PLD5: variants seen among roughly 807,000 people sequenced by gnomAD.
PLD5 encodes the protein phospholipase D family member 5, also known as inactive phospholipase D5.
A neutral mutation model predicts 61.1 loss-of-function variants in PLD5; 36 were observed. The ratio of observed to expected loss-of-function variants is 0.59; its 90% CI spans 0.45 to 0.78. The LOEUF (loss-of-function observed/expected upper bound fraction) is 0.78, where lower values mean the gene tolerates loss of function less well. Ranked by LOEUF, PLD5 falls within the 30% of genes least tolerant of loss-of-function variation. The probability of loss-of-function intolerance (pLI) is 0.00; values close to 1 mark genes in which losing one functional copy is unlikely to be tolerated. For missense variants in PLD5, 515 were observed against 644.4 expected (o/e 0.80, Z 2.17); for synonymous variants, 243 against 242.8 (o/e 1.00, Z -0.01).
chr1:242,445,177 C>T (rs1275010434), intron 1 of PLD5, among the ~76,000 whole-genome samples: 2 of 152,070 alleles, frequency 1.3e-5, no homozygotes, highest in African/African-American at 4.8e-5. Context: ...AGATTAGTGC[C>T]CTTATAAAAG....
chr1:242,312,928 C>T (rs2019936), intron 2 of PLD5, among the ~76,000 whole-genome samples: 9,068 of 152,288 alleles, frequency 0.06, 325 homozygotes, highest in Middle Eastern at 0.1. Flanking sequence ...TTTAATCAGT[C>T]TCTTATTTAA....
At chr1:242,267,285 A>G (rs1164865466) in intron 3 of PLD5, among the ~76,000 whole-genome samples, 1 of 152,204 alleles carries the variant, frequency 6.6e-6, no homozygotes, top group Non-Finnish European at 1.5e-5. Flanking sequence ...CTGAGGTCAC[A>G]GCTGACAGCA....
At chr1:242,523,942 A>C in intron 1 of PLD5, 146 bp downstream of exon 1, 1 of 857,232 alleles carries the variant, frequency 1.2e-6, no homozygotes, top group Non-Finnish European at 1.7e-6. Flanking sequence ...CAGGCAGAGA[A>C]GCCCCCGAAT....
At chr1:242,115,478 CT>C (rs1327734745) in intron 6 of PLD5, among the ~76,000 whole-genome samples, 1 of 152,078 alleles carries the variant, frequency 6.6e-6, no homozygotes, top group Non-Finnish European at 1.5e-5. Context: ...GTACACACTT[CT>C]TTTCGGAGGA....
At chr1:242,130,652 A>G (rs1663163489) in intron 5 of PLD5, among the ~76,000 whole-genome samples, 1 of 152,138 alleles carries the variant, frequency 6.6e-6, no homozygotes, top group Non-Finnish European at 1.5e-5. Flanking sequence ...GGACTTGCCA[A>G]GGATCAGCCC....
At chr1:242,384,017 T>A (rs1418038719) in intron 1 of PLD5, among the ~76,000 whole-genome samples, 1 of 152,214 alleles carries the variant, frequency 6.6e-6, no homozygotes, top group African/African-American at 2.4e-5. Flanking sequence ...AGGAATCCGC[T>A]GCAAAATCCC....
Position 242,156,342 on chromosome 1 carries a change from C to T in PLD5, c.736-31677G>A, listed in dbSNP as rs557267185. ...TGTGTCTTTTAATTGGGGCATTTAG[C>T]CCATTTACATTTAAAGTTAATATTG... On this transcript the variant is annotated intron_variant, in intron 5 of 9. Coordinates refer to ENST00000536534, the MANE Select transcript of PLD5 (RefSeq NM_001372062.1). Among the ~76,000 whole-genome samples the T allele has an allele frequency of 5.4e-4, 82 of 152,200 alleles. 2 individuals are homozygous for T. In the South Asian group the frequency reaches 0.016, roughly 30 times the overall value.
At chr1:242,234,843 G>C (rs10926666) in intron 4 of PLD5, among the ~76,000 whole-genome samples, 1 of 151,904 alleles carries the variant, frequency 6.6e-6, no homozygotes, top group Non-Finnish European at 1.5e-5. Flanking sequence ...GTGAGAGAAA[G>C]GCTCTGAAGA....
intron 3 of PLD5, among the ~76,000 whole-genome samples, chr1:242,271,856 C>T (rs1178165312): frequency 1.3e-5 from 2 of 151,494 alleles, no homozygotes; most frequent in East Asian, 1.9e-4. Context: ...GGAAGTCACA[C>T]ATTACAGGGG....
intron 1 of PLD5, among the ~76,000 whole-genome samples, chr1:242,405,161 C>T (rs1664163806): frequency 6.6e-6 from 1 of 152,062 alleles, no homozygotes; most frequent in African/African-American, 2.4e-5. Flanking sequence ...AGCCACCTCG[C>T]CTGGCCCTCT....
At chr1:242,305,995 C>T (rs776174240) in intron 2 of PLD5, among the ~76,000 whole-genome samples, 5 of 152,052 alleles carry the variant, frequency 3.3e-5, no homozygotes, top group Non-Finnish European at 5.9e-5. Flanking sequence ...CCAAAGGACC[C>T]GCCACCTGGA....
chr1:242,443,507 G>A (rs1358210868), intron 1 of PLD5, among the ~76,000 whole-genome samples: 1 of 152,126 alleles, frequency 6.6e-6, no homozygotes, highest in Non-Finnish European at 1.5e-5. Flanking sequence ...TGTCCAGGAT[G>A]TGAACTGGGA....
chr1:242,260,047 C>T lies in PLD5; in HGVS notation c.607+5290G>A, dbSNP rs190741748. On this transcript the variant is annotated intron_variant, in intron 4 of 9. Coordinates refer to ENST00000536534, the MANE Select transcript of PLD5 (RefSeq NM_001372062.1). ...TGCTGGGAGGCATGAGCAGAGAAAA[C>T]GGGACTTAAGAGAATTGTTGGCCAG... 1.1e-3 allele frequency among the ~76,000 whole-genome samples: 166 copies of T among 152,018 alleles called. 3 individuals carry two copies. Among genetic ancestry groups the T allele is most frequent in the African/African-American group, 3.8e-3 (159 of 41,488 alleles).
rs546576889 is a variant in PLD5 at position 242,405,670 on chromosome 1, C to T, written c.190-57428G>A. Among the ~76,000 whole-genome samples the T allele has an allele frequency of 1.0e-3, 157 of 151,660 alleles. 2 individuals are homozygous for T. In the South Asian group the frequency reaches 0.031, roughly 30 times the overall value. Reference sequence around the variant, plus strand: ...AGGCTGGAGTGCAATGGCACAATCTCGCCTCACTGCAACCTCTGCCTATAA... The same window carrying T: ...AGGCTGGAGTGCAATGGCACAATCTTGCCTCACTGCAACCTCTGCCTATAA... On this transcript the variant is annotated intron_variant, in intron 1 of 9. Coordinates refer to ENST00000536534, the MANE Select transcript of PLD5 (RefSeq NM_001372062.1).
At chr1:242,478,470 G>T (rs1444850202) in intron 1 of PLD5, among the ~76,000 whole-genome samples, 2 of 152,194 alleles carry the variant, frequency 1.3e-5, no homozygotes, top group Non-Finnish European at 2.9e-5. Context: ...GGGACTAGCT[G>T]CTTGGCCTGA....
At chr1:242,494,071 C>T (rs1433821286) in intron 1 of PLD5, among the ~76,000 whole-genome samples, 3 of 33,386 alleles carry the variant, frequency 9.0e-5, no homozygotes, top group Non-Finnish European at 2.2e-4. Flanking sequence ...CTTCCCTCCA[C>T]TCCCCTCCCC....
intron 1 of PLD5, among the ~76,000 whole-genome samples, chr1:242,402,002 A>G (rs1663961583): frequency 6.6e-6 from 1 of 152,230 alleles, no homozygotes; most frequent in Admixed American, 6.5e-5. Flanking sequence ...TGCTTTCCAC[A>G]TAGAATATTC....
intron 1 of PLD5, among the ~76,000 whole-genome samples, chr1:242,410,387 G>C (rs1664482380): frequency 7.0e-6 from 1 of 143,496 alleles, no homozygotes; most frequent in African/African-American, 2.7e-5. Context: ...GCTTTCCAGA[G>C]TATATTTCCT....
At chr1:242,271,796 C>A (rs1421402426) in intron 3 of PLD5, among the ~76,000 whole-genome samples, 1 of 151,812 alleles carries the variant, frequency 6.6e-6, no homozygotes, top group Non-Finnish European at 1.5e-5. Context: ...AAGTGAGGAA[C>A]AATACGATAT....
Sources: gnomAD v4.1 joint callset for allele counts (sites outside exome capture counted in the v4.1 genomes callset) on GRCh38, gnomAD v4.1.1 for gene constraint, MANE v1.5 for transcripts, NCBI Gene and HGNC (gene_info 2026-07-23, HGNC 2026-07-21) for gene names.